Variants in EYA3 observed in about 807,000 individuals in gnomAD.
EYA3 encodes protein phosphatase EYA3.
EYA3 carries 39 observed loss-of-function variants against 80.0 expected under a neutral mutation model. That is an observed-to-expected ratio of 0.49 (90% confidence interval 0.38 to 0.64). The LOEUF is 0.64. Ranked by LOEUF, EYA3 falls within the 30% of genes least tolerant of loss-of-function variation. The probability of loss-of-function intolerance (pLI) is 0.00; values close to 1 mark genes in which losing one functional copy is unlikely to be tolerated. For missense variants in EYA3, 523 were observed against 676.1 expected (o/e 0.77, Z 2.51); for synonymous variants, 206 against 232.8 (o/e 0.88, Z 1.05).
intron 1 of EYA3, among the ~76,000 whole-genome samples, chr1:28,080,532 G>C (rs1461527856): frequency 6.6e-6 from 1 of 151,848 alleles, no homozygotes. Flanking sequence ...TAAAGATACT[G>C]TTTCAAGAAA....
chr1:28,065,415 G>C (rs1644798578), intron 1 of EYA3, among the ~76,000 whole-genome samples: 1 of 152,068 alleles, frequency 6.6e-6, no homozygotes, highest in South Asian at 2.1e-4. Flanking sequence ...TGGGACTACA[G>C]ATGCGTGCCA....
intron 6 of EYA3, among the ~76,000 whole-genome samples, chr1:28,029,577 T>C (rs1642994564): frequency 6.6e-6 from 1 of 151,832 alleles, no homozygotes; most frequent in Admixed American, 6.6e-5. Flanking sequence ...AAAAGCCTAC[T>C]TTTAAAAAGA....
chr1:27,994,523 C>CA lies in EYA3; in HGVS notation c.1143-964dup, dbSNP rs1429403878. ...CCAACATGGTGAAACCCTGTCTTTA[C>CA]AAAAAATACAAAAATTAGCTGGGTG... On this transcript the variant is annotated intron_variant, in intron 13 of 17. Coordinates refer to ENST00000373871, the MANE Select transcript of EYA3 (RefSeq NM_001990.4). 2.0e-5 allele frequency among the ~76,000 whole-genome samples: 3 copies of CA among 152,100 alleles called. No individual in the cohort carries two copies. In the East Asian group the frequency reaches 5.8e-4, roughly 29 times the overall value.
intron 1 of EYA3, among the ~76,000 whole-genome samples, chr1:28,080,552 C>T (rs528509159): frequency 6.6e-5 from 10 of 151,660 alleles, no homozygotes; most frequent in Admixed American, 2.6e-4. Context: ...ACTTCTGTTT[C>T]GATTTCAAAT....
At chr1:28,023,082 T>TG (rs71586820) in intron 7 of EYA3, among the ~76,000 whole-genome samples, 31 of 146,990 alleles carry the variant, frequency 2.1e-4, no homozygotes, top group African/African-American at 8.0e-4. Context: ...AAGTGCTGGG[T>TG]GGGGGGGGGG....
intron 16 of EYA3, 103 bp downstream of exon 16, chr1:27,988,432 A>T: frequency 7.7e-7 from 1 of 1,299,946 alleles, no homozygotes; most frequent in Non-Finnish European, 1.1e-6. Context: ...TGTAGGTATT[A>T]CAAATAAAGT....
intron 3 of EYA3, among the ~76,000 whole-genome samples, chr1:28,044,104 G>GA (rs1553152027): frequency 2.0e-5 from 3 of 152,164 alleles, no homozygotes; most frequent in Non-Finnish European, 4.4e-5. Context: ...TAATGCTGGG[G>GA]AGATTCCACA....
chr1:28,022,446 C>T (rs991606045), intron 7 of EYA3, among the ~76,000 whole-genome samples: 4 of 152,108 alleles, frequency 2.6e-5, no homozygotes, highest in Non-Finnish European at 5.9e-5. Context: ...CCGCGCCCGG[C>T]CTAAAAGATT....
intron 6 of EYA3, among the ~76,000 whole-genome samples, chr1:28,028,596 T>A (rs536994923): frequency 1.3e-5 from 2 of 151,376 alleles, no homozygotes; most frequent in East Asian, 1.9e-4. Context: ...TTTTTTTTTT[T>A]AAATAAGATA....
At chr1:27,992,465 T>C (rs2148732811) in intron 14 of EYA3, among the ~76,000 whole-genome samples, 1 of 152,322 alleles carries the variant, frequency 6.6e-6, no homozygotes, top group South Asian at 2.1e-4. Context: ...CTTGCCGGCC[T>C]GCTCACTTCC....
chr1:28,079,536 G>C (rs12144063), intron 1 of EYA3, among the ~76,000 whole-genome samples: 1 of 152,022 alleles, frequency 6.6e-6, no homozygotes, highest in Non-Finnish European at 1.5e-5. Context: ...CCTAAACTTT[G>C]GACTGTTAGA....
chr1:28,041,158 G>A (rs1356635051), intron 4 of EYA3, among the ~76,000 whole-genome samples: 1 of 152,154 alleles, frequency 6.6e-6, no homozygotes, highest in African/African-American at 2.4e-5. Flanking sequence ...GAGGTCAAGA[G>A]TTCGAGACCA....
At chr1:28,019,059 A>G in intron 7 of EYA3, among the ~76,000 whole-genome samples, 1 of 152,122 alleles carries the variant, frequency 6.6e-6, no homozygotes, top group Non-Finnish European at 1.5e-5. Flanking sequence ...CCAGCTATGC[A>G]GGAGGCTGAG....
intron 17 of EYA3, 35 bp downstream of exon 17, chr1:27,978,339 C>A (rs747168592): frequency 5.4e-6 from 8 of 1,490,396 alleles, no homozygotes; most frequent in Non-Finnish European, 6.6e-6. Flanking sequence ...ACTCGATGTA[C>A]AACCACATAG....
chr1:28,057,134 T>C (rs774971683), intron 2 of EYA3, among the ~76,000 whole-genome samples: 19 of 152,162 alleles, frequency 1.2e-4, no homozygotes, highest in Non-Finnish European at 2.4e-4. Context: ...CATTTCTCAA[T>C]ATAAAGAAAA....
At chr1:27,988,732 T>C (rs1639831093) in intron 15 of EYA3, 76 bp from the exon 16 acceptor site, 9 of 1,530,630 alleles carry the variant, frequency 5.9e-6, no homozygotes, top group Non-Finnish European at 7.1e-6. Context: ...GTGCCAACTC[T>C]TTAGAATTTA....
chr1:27,974,521 G>C lies in EYA3; in HGVS notation c.1667C>G (p.Thr556Arg). The C allele has an allele frequency of 6.2e-7, 1 of 1,612,914 alleles. No homozygotes were observed. The highest frequency in any genetic ancestry group is 8.5e-7 in the Non-Finnish European group (1 of 1,179,054). ...AAGGGATACTAGGTCTCCATGGTTTGTGATCCTCCAGAAAGGCATGTTGTG... is the reference window on the plus strand; with the variant it reads ...AAGGGATACTAGGTCTCCATGGTTTCTGATCCTCCAGAAAGGCATGTTGTG... ...KQHNMPFWRI[T>R]NHGDLVSLHQ... Residue 556 changes from threonine (T) to arginine (R), a missense_variant, in exon 18 of 18, where the codon ACA becomes AGA. Thr to Arg is a moderately conservative substitution (Grantham distance 71). Transcript: ENST00000373871.
intron 7 of EYA3, among the ~76,000 whole-genome samples, chr1:28,022,929 C>T (rs1249612032): frequency 6.6e-6 from 1 of 152,024 alleles, no homozygotes; most frequent in East Asian, 1.9e-4. Context: ...GTTGCCCAGG[C>T]TGGAAGCCCA....
intron 11 of EYA3, 48 bp downstream of exon 11, chr1:28,004,288 C>T: frequency 7.5e-7 from 1 of 1,338,908 alleles, no homozygotes; most frequent in Non-Finnish European, 1.1e-6. Flanking sequence ...GAGGGACTGA[C>T]TATATAGTCA....
Sources: gnomAD v4.1 joint callset for allele counts (sites outside exome capture counted in the v4.1 genomes callset) on GRCh38, gnomAD v4.1.1 for gene constraint, MANE v1.5 for transcripts, NCBI Gene and HGNC (gene_info 2026-07-23, HGNC 2026-07-21) for gene names.